Variants in PLCB4 observed in about 807,000 individuals in gnomAD.
PLCB4 encodes 1-phosphatidylinositol 4,5-bisphosphate phosphodiesterase beta-4.
PLCB4 carries 77 observed loss-of-function variants against 178.8 expected under a neutral mutation model. That is an observed-to-expected ratio of 0.43 (90% CI 0.36 to 0.52). PLCB4 has a LOEUF of 0.52. Ranked by LOEUF, PLCB4 falls within the 20% of genes least tolerant of loss-of-function variation. The pLI is 0.00. For synonymous variants in PLCB4, 496 were observed against 490.8 expected (o/e 1.01, Z -0.14); for missense variants, 1,024 against 1,453.4 (o/e 0.70, Z 4.80).
intron 25 of PLCB4, among the ~76,000 whole-genome samples, chr20:9,416,939 A>T (rs1187002776): frequency 1.3e-5 from 2 of 152,180 alleles, no homozygotes; most frequent in African/African-American, 4.8e-5. Context: ...CAAAACTAAG[A>T]AAAGTGACAT....
At chr20:9,387,960 C>T (rs1219053002) in intron 15 of PLCB4, among the ~76,000 whole-genome samples, 2 of 152,144 alleles carry the variant, frequency 1.3e-5, no homozygotes, top group African/African-American at 4.8e-5. Context: ...TAAGAAAGGC[C>T]GGGCGTGGTG....
At chr20:9,437,671 T>C (rs1413573212) in intron 30 of PLCB4, among the ~76,000 whole-genome samples, 2 of 152,166 alleles carry the variant, frequency 1.3e-5, no homozygotes, top group Non-Finnish European at 2.9e-5. Flanking sequence ...AGAATGCTGA[T>C]AGGGAGTGGC....
Position 9,088,405 on chromosome 20 carries a change from T to C in PLCB4, c.-134-7882T>C, listed in dbSNP as rs913276207. ...AAACATTAGCAGAAAATTGAAACAA[T>C]ATTCCCTTTTCTCATCATTAGAAGA... On this transcript the variant is annotated intron_variant, in intron 1 of 39. Transcript: ENST00000378473. Among the ~76,000 whole-genome samples, 12 of 152,258 alleles carry C rather than the reference T, an allele frequency of 7.9e-5. 1 individual carries two copies. Among genetic ancestry groups the C allele is most frequent in the African/African-American group, 2.6e-4 (11 of 41,540 alleles).
chr20:9,084,722 G>A (rs1374241753), intron 1 of PLCB4, among the ~76,000 whole-genome samples: 1 of 152,118 alleles, frequency 6.6e-6, no homozygotes, highest in African/African-American at 2.4e-5. Flanking sequence ...AAACATAACT[G>A]CTGAATGATT....
intron 4 of PLCB4, among the ~76,000 whole-genome samples, chr20:9,309,222 A>G (rs910833338): frequency 6.6e-6 from 1 of 152,178 alleles, no homozygotes; most frequent in Non-Finnish European, 1.5e-5. Flanking sequence ...CATACAGCGT[A>G]TGTTCAACTA....
At position 9,371,234 on chromosome 20, in the gene PLCB4, C is replaced by T; in HGVS notation, c.524C>T (p.Ser175Leu). The T allele has an allele frequency of 6.2e-7, 1 of 1,607,182 alleles. No individual in the cohort carries two copies. ...PVRSITRTFA[S>L]GKTEKVIFQA... is the part of the protein sequence containing the mutation. ...CCTAGTATTACTAGAACATTTGCATCGGGAAAAACAGAAAAGGTGATCTTT... is the reference window on the plus strand; with the variant it reads ...CCTAGTATTACTAGAACATTTGCATTGGGAAAAACAGAAAAGGTGATCTTT... Residue 175 changes from serine to leucine, a missense_variant, in exon 10 of 40, where the codon TCG (serine) becomes TTG (leucine). Ser to Leu is a moderately radical substitution (Grantham distance 145). Transcript: ENST00000378473.
intron 2 of PLCB4, among the ~76,000 whole-genome samples, chr20:9,178,567 A>C (rs1317062803): frequency 2.0e-5 from 3 of 151,646 alleles, no homozygotes; most frequent in African/African-American, 7.2e-5. Flanking sequence ...TTTTATCAAA[A>C]GATATATTTC....
intron 3 of PLCB4, among the ~76,000 whole-genome samples, chr20:9,223,157 G>C (rs955415007): frequency 1.3e-5 from 2 of 152,148 alleles, no homozygotes; most frequent in African/African-American, 4.8e-5. Flanking sequence ...TGTATATCGT[G>C]TGTTTTGGGG....
chr20:9,293,366 G>A (rs1251048274), intron 3 of PLCB4, among the ~76,000 whole-genome samples: 1 of 140,734 alleles, frequency 7.1e-6, no homozygotes, highest in Admixed American at 7.4e-5. Context: ...AATGAAGGAA[G>A]GAAGGAAGGA....
intron 13 of PLCB4, among the ~76,000 whole-genome samples, chr20:9,382,465 C>A (rs570147743): frequency 7.9e-5 from 12 of 152,190 alleles, no homozygotes; most frequent in Non-Finnish European, 1.6e-4. Context: ...GACTAAAGCC[C>A]AAGTGATGTA....
At position 9,476,745 on chromosome 20, in the gene PLCB4, A is replaced by G; in HGVS notation, c.3524A>G (p.Gln1175Arg). Reference protein sequence around the residue: ...QLLKSCHAVSQTQGEGDAADG... With the variant: ...QLLKSCHAVSRTQGEGDAADG... ...TTGAAATCCTGTCATGCAGTGTCCC[A>G]AACGCAAGGTAGGACCGAAACTCTG... Residue 1175 changes from glutamine (Q) to arginine (R), a missense_variant, in exon 39 of 40, where the codon CAA (glutamine) becomes CGA (arginine). By Grantham distance (43) the Gln-to-Arg change is conservative. Coordinates refer to ENST00000378473, the MANE Select transcript of PLCB4 (RefSeq NM_001377142.1). The G allele has an allele frequency of 1.2e-6, 2 of 1,609,704 alleles. No homozygotes were observed. Among genetic ancestry groups the G allele is most frequent in the Non-Finnish European group, 1.7e-6 (2 of 1,176,084 alleles).
At chr20:9,368,570 A>G (rs2035973572) in intron 9 of PLCB4, among the ~76,000 whole-genome samples, 1 of 152,062 alleles carries the variant, frequency 6.6e-6, no homozygotes, top group Non-Finnish European at 1.5e-5. Context: ...TCCCTATATA[A>G]TCAGCCCAAC....
At chr20:9,311,567 G>A (rs2094834628) in intron 4 of PLCB4, among the ~76,000 whole-genome samples, 1 of 152,006 alleles carries the variant, frequency 6.6e-6, no homozygotes, top group East Asian at 1.9e-4. Context: ...ATCACACTCA[G>A]AGTCCTTTTT....
At chr20:9,165,834 T>TGTGTGTGTGTGTG (rs1568875950) in intron 2 of PLCB4, among the ~76,000 whole-genome samples, 2 of 149,924 alleles carry the variant, frequency 1.3e-5, no homozygotes, top group African/African-American at 4.9e-5. Context: ...TGTGTGTGTG[T>TGTGTGTGTGTGTG]TACCATGTTA....
At chr20:9,156,542 A>G (rs1286212336) in intron 2 of PLCB4, among the ~76,000 whole-genome samples, 1 of 152,168 alleles carries the variant, frequency 6.6e-6, no homozygotes, top group Non-Finnish European at 1.5e-5. Flanking sequence ...AGTACTGTAC[A>G]TGGAAAAGTT....
chr20:9,153,625 C>T (rs945034510), intron 2 of PLCB4, among the ~76,000 whole-genome samples: 3 of 152,098 alleles, frequency 2.0e-5, no homozygotes. Context: ...AGCATGAAAA[C>T]AAACTAATAC....
At chr20:9,255,372 C>T (rs139720529) in intron 3 of PLCB4, among the ~76,000 whole-genome samples, 164 of 152,230 alleles carry the variant, frequency 1.1e-3, no homozygotes, top group African/African-American at 3.7e-3. Context: ...ATTTTGTAGG[C>T]GTGCTGGGCT....
At chr20:9,123,716 G>A (rs1050527179) in intron 2 of PLCB4, among the ~76,000 whole-genome samples, 1 of 151,982 alleles carries the variant, frequency 6.6e-6, no homozygotes, top group Non-Finnish European at 1.5e-5. Flanking sequence ...AGATAAGTAG[G>A]TAGATAGGTA....
At chr20:9,140,274 C>A (rs569895883) in intron 2 of PLCB4, among the ~76,000 whole-genome samples, 1 of 152,152 alleles carries the variant, frequency 6.6e-6, no homozygotes, top group Non-Finnish European at 1.5e-5. Context: ...AGCCACATCC[C>A]CTGTCCGTCT....
Sources: allele counts gnomAD v4.1 joint callset (sites outside exome capture counted in the v4.1 genomes callset), GRCh38; gene constraint gnomAD v4.1.1; transcripts MANE v1.5; gene names NCBI Gene and HGNC (gene_info 2026-07-23, HGNC 2026-07-21).